ABI2: variants seen among roughly 807,000 people sequenced by gnomAD.
The protein encoded by ABI2 is abelson interactor 2.
A neutral mutation model predicts 59.2 loss-of-function variants in ABI2; 25 were observed. The observed-to-expected ratio is 0.42, with a 90% CI of 0.31 to 0.59. The LOEUF (loss-of-function observed/expected upper bound fraction) is 0.59. Ranked by LOEUF, ABI2 falls within the 20% of genes least tolerant of loss-of-function variation. The pLI is 0.14. For synonymous variants in ABI2, 213 were observed against 235.5 expected, an observed-to-expected ratio of 0.90 and a Z score of 0.87; for missense variants, 545 against 681.8, an observed-to-expected ratio of 0.80 and a Z score of 2.23.
chr2:203,370,186 T>TTC (rs71007509), intron 2 of ABI2, among the ~76,000 whole-genome samples: 7,236 of 136,488 alleles, frequency 0.053, 316 homozygotes, highest in African/African-American at 0.12. Flanking sequence ...CATTCTCCTA[T>TTC]TCTCTCTCTC....
At chr2:203,342,333 T>C in intron 1 of ABI2, 2 of 384,772 alleles carry the variant, frequency 5.2e-6, no homozygotes, top group South Asian at 3.9e-5. Context: ...GCATATAATA[T>C]GGGACTGTTT....
chr2:203,365,201 C>G (rs992427460), intron 1 of ABI2, among the ~76,000 whole-genome samples: 5 of 152,086 alleles, frequency 3.3e-5, no homozygotes, highest in Non-Finnish European at 5.9e-5. Flanking sequence ...TTTTTTTGTG[C>G]TTGTATTTAC....
chr2:203,335,788 ATTT>A (rs2076192646), intron 1 of ABI2, among the ~76,000 whole-genome samples: 2 of 152,068 alleles, frequency 1.3e-5, no homozygotes. Context: ...TACAACATGA[ATTT>A]TTTCTCATTT....
intron 11 of ABI2, among the ~76,000 whole-genome samples, chr2:203,417,594 C>T (rs2097954426): frequency 6.6e-6 from 1 of 152,134 alleles, no homozygotes; most frequent in Admixed American, 6.6e-5. Context: ...CTTTCAAATC[C>T]ATCAAGACTA....
At chr2:203,394,881 C>A in intron 6 of ABI2, 35 bp downstream of exon 6, 1 of 1,605,626 alleles carries the variant, frequency 6.2e-7, no homozygotes, top group South Asian at 1.1e-5. Context: ...ATGTGATGGT[C>A]ATAGTACCAT....
At chr2:203,423,052 T>G (rs1435131243) in intron 11 of ABI2, among the ~76,000 whole-genome samples, 1 of 152,228 alleles carries the variant, frequency 6.6e-6, no homozygotes, top group East Asian at 1.9e-4. Context: ...GCTTGCTAGT[T>G]TAGGGTACTT....
chr2:203,335,343 G>T (rs1407954981), intron 1 of ABI2, among the ~76,000 whole-genome samples: 1 of 152,160 alleles, frequency 6.6e-6, no homozygotes, highest in East Asian at 1.9e-4. Flanking sequence ...ACTGCAGCTT[G>T]CACTCCCAAG....
At chr2:203,409,048 C>T (rs1279495673) in intron 9 of ABI2, among the ~76,000 whole-genome samples, 1 of 150,846 alleles carries the variant, frequency 6.6e-6, no homozygotes, top group Non-Finnish European at 1.5e-5. Flanking sequence ...CCTTGTTAGC[C>T]AGGATGGTCT....
rs756549021 is a variant in ABI2 at position 203,385,248 on chromosome 2, C to CA, written c.480+3044dup. ...CAGGTTTCACGCCATTCTCCTGCCT[C>CA]AACCTCCTGAGTAGCTGGGACTACA... On this transcript the variant is annotated intron_variant, in intron 4 of 11. Coordinates refer to ENST00000261018, the MANE Select transcript of ABI2 (RefSeq NM_001375670.1). Among the ~76,000 whole-genome samples, 129 of 150,394 alleles carry CA rather than the reference C, an allele frequency of 8.6e-4. 2 individuals are homozygous for CA. Among genetic ancestry groups the CA allele is most frequent in the Non-Finnish European group, 1.5e-3 (100 of 67,736 alleles).
In ABI2 at chr2:203,431,966, A is replaced by G. The variant is rs573346011; in HGVS notation, c.*4614A>G. ...CTGGCCAGTTGTACTTTTAGCTCCC[A>G]GAGGGAGAGTTGGTGGTATTATGAG... On this transcript the variant is annotated 3_prime_UTR_variant, in exon 12 of 12. Coordinates refer to ENST00000261018, the MANE Select transcript of ABI2 (RefSeq NM_001375670.1). 1 of 152,322 alleles carries G rather than the reference A, an allele frequency of 6.6e-6. No individual in the cohort carries two copies. Among genetic ancestry groups the G allele is most frequent in the Admixed American group, 6.5e-5 (1 of 15,310 alleles). 9.4% of individuals were successfully genotyped at this position (152,322 alleles called of 1,614,324 possible).
At position 203,417,005 on chromosome 2, in the gene ABI2, A is replaced by G. The variant is rs941434885; in HGVS notation, c.1377A>G (p.Glu459=). 3.1e-6 allele frequency: 5 copies of G among 1,614,036 alleles called. No homozygotes were observed. In the Admixed American group the frequency reaches 6.7e-5, roughly 22 times the overall value. ...PPPPEDYEEE[E]AAVVEYSDPY... is the part of the protein sequence containing the mutation. Reference sequence around the variant, plus strand: ...CTCCAGAAGATTACGAAGAGGAGGAAGCTGCTGTGGTTGAGTATAGTGATC... The same window carrying G: ...CTCCAGAAGATTACGAAGAGGAGGAGGCTGCTGTGGTTGAGTATAGTGATC... The change falls in exon 11 of 12, where the codon GAA becomes GAG. Residue 459 remains glutamate, a synonymous_variant. Coordinates refer to ENST00000261018, the MANE Select transcript of ABI2 (RefSeq NM_001375670.1).
intron 1 of ABI2, among the ~76,000 whole-genome samples, chr2:203,343,058 T>G (rs2080976405): frequency 6.6e-6 from 1 of 152,172 alleles, no homozygotes; most frequent in African/African-American, 2.4e-5. Context: ...TTATTTCCTA[T>G]AGAGGATTAC....
At chr2:203,361,613 A>G (rs934132858) in intron 1 of ABI2, among the ~76,000 whole-genome samples, 1 of 152,148 alleles carries the variant, frequency 6.6e-6, no homozygotes, top group African/African-American at 2.4e-5. Flanking sequence ...ATGAAAACTA[A>G]AAAAAAGGAG....
intron 1 of ABI2, among the ~76,000 whole-genome samples, chr2:203,355,879 T>C (rs1439078747): frequency 1.3e-5 from 2 of 149,610 alleles, no homozygotes; most frequent in Non-Finnish European, 3.0e-5. Flanking sequence ...CCTGGTGTGC[T>C]GAAAATCTTC....
At chr2:203,349,994 A>C (rs1181340816) in intron 1 of ABI2, among the ~76,000 whole-genome samples, 2 of 152,146 alleles carry the variant, frequency 1.3e-5, no homozygotes, top group African/African-American at 2.4e-5. Flanking sequence ...AGGTAGTTGC[A>C]CTATTTTCCA....
chr2:203,330,211 GAA>G (rs2072162090), intron 1 of ABI2, among the ~76,000 whole-genome samples: 1 of 12,606 alleles, frequency 7.9e-5, no homozygotes, highest in Non-Finnish European at 5.3e-4. Context: ...AGAATGACCC[GAA>G]CCACTGTATA....
Position 203,394,690 on chromosome 2 carries a change from C to G in ABI2, c.579-10C>G, listed in dbSNP as rs1579041249. ...TTAATCATACAATACATACGCTCTTCTTTTTGTAGGCGGCACTCCCCCTAT... is the reference window on the plus strand; with the variant it reads ...TTAATCATACAATACATACGCTCTTGTTTTTGTAGGCGGCACTCCCCCTAT... On this transcript the variant is annotated splice_polypyrimidine_tract_variant and intron_variant, in intron 5 of 11. Coordinates refer to ENST00000261018, the MANE Select transcript of ABI2 (RefSeq NM_001375670.1). 1 of 1,613,144 alleles carries G rather than the reference C, an allele frequency of 6.2e-7. No individual in the cohort carries two copies. Among genetic ancestry groups the G allele is most frequent in the Non-Finnish European group, 8.5e-7 (1 of 1,179,672 alleles).
Position 203,335,471 on chromosome 2 carries a change from C to T in ABI2, c.117+6840C>T, listed in dbSNP as rs4505504. Among the ~76,000 whole-genome samples the T allele has an allele frequency of 1.9e-4, 29 of 152,116 alleles. No individual in the cohort carries two copies. In the East Asian group the frequency reaches 5.6e-3, roughly 29 times the overall value. ...GAAATGGGATCTCACTATGTTGCTC[C>T]GGCTGGTCTTGGAACACCTGGGCTC... On this transcript the variant is annotated intron_variant, in intron 1 of 11. Transcript: ENST00000261018.
intron 9 of ABI2, among the ~76,000 whole-genome samples, 169 bp from the exon 10 acceptor site, chr2:203,411,116 T>C: frequency 6.6e-6 from 1 of 152,044 alleles, no homozygotes; most frequent in East Asian, 1.9e-4. Context: ...CCCCAGTACT[T>C]TGTTTGTGTT....
Sources: gnomAD v4.1 joint callset for allele counts (sites outside exome capture counted in the v4.1 genomes callset) on GRCh38, gnomAD v4.1.1 for gene constraint, MANE v1.5 for transcripts, NCBI Gene and HGNC (gene_info 2026-07-23, HGNC 2026-07-21) for gene names.